The following GRAMD1B variants were observed in gnomAD, a reference collection of about 807,000 sequenced individuals.
The protein encoded by GRAMD1B is GRAM domain containing 1B.
Under a neutral mutation model 99.7 loss-of-function variants are expected in GRAMD1B, and 37 were observed. That is an observed-to-expected ratio of 0.37 (90% CI 0.29 to 0.49). The LOEUF (loss-of-function observed/expected upper bound fraction) is 0.49, where lower values mean the gene tolerates loss of function less well. Ranked by LOEUF, GRAMD1B falls within the 20% of genes least tolerant of loss-of-function variation. The pLI, the probability that GRAMD1B is intolerant of heterozygous loss-of-function variation, is 0.98. For synonymous variants in GRAMD1B, 427 were observed against 387.6 expected (o/e 1.10, Z -1.19); for missense variants, 888 against 1,009.2 (o/e 0.88, Z 1.63).
At chr11:123,368,732 G>A (rs1946417586) in intron 1 of GRAMD1B, among the ~76,000 whole-genome samples, 1 of 150,372 alleles carries the variant, frequency 6.7e-6, no homozygotes, top group Non-Finnish European at 1.5e-5. Flanking sequence ...GAAAAGTAAG[G>A]TAATGAAATC....
At chr11:123,383,487 A>G (rs939505435) in intron 1 of GRAMD1B, among the ~76,000 whole-genome samples, 2 of 152,152 alleles carry the variant, frequency 1.3e-5, no homozygotes, top group African/African-American at 2.4e-5. Flanking sequence ...AAGACTATGT[A>G]TCTTTATCTG....
At chr11:123,514,543 G>C (rs1355428748) in intron 2 of GRAMD1B, among the ~76,000 whole-genome samples, 1 of 152,248 alleles carries the variant, frequency 6.6e-6, no homozygotes, top group Non-Finnish European at 1.5e-5. Context: ...ATCTGTTAGA[G>C]AATAGTGGGC....
chr11:123,435,556 C>T lies in GRAMD1B; in HGVS notation c.374+4390C>T, dbSNP rs1337469483. The stretch of plus-strand genomic sequence containing the variant: ...CAAATGGTAAAGACAGCATGGCTTA[C>T]TAACTTTCCAGTGTTCACTGGAATA... On this transcript the variant is annotated intron_variant, in intron 1 of 19. Transcript: ENST00000635736. 7 of 665,174 alleles carry T rather than the reference C, an allele frequency of 1.1e-5. No individual in the cohort carries two copies. The African/African-American group carries it at 1.1e-4, about 10-fold the overall frequency. The allele number at this position is 665,174 out of a possible 1,614,324, so 41.2% of individuals were successfully genotyped here.
At chr11:123,555,539 G>T (rs1946097834) in intron 2 of GRAMD1B, among the ~76,000 whole-genome samples, 1 of 151,762 alleles carries the variant, frequency 6.6e-6, no homozygotes, top group Non-Finnish European at 1.5e-5. Flanking sequence ...CAGTAGAGAT[G>T]GGGTTTCACC....
intron 2 of GRAMD1B, among the ~76,000 whole-genome samples, chr11:123,557,934 C>A (rs573452181): frequency 6.6e-6 from 1 of 151,616 alleles, no homozygotes; most frequent in South Asian, 2.1e-4. Context: ...TTCCACCAAC[C>A]CCTGTGTCTA....
chr11:123,558,963 G>T (rs1189690993), intron 2 of GRAMD1B, among the ~76,000 whole-genome samples: 2 of 152,254 alleles, frequency 1.3e-5, no homozygotes, highest in Non-Finnish European at 2.9e-5. Flanking sequence ...GTTCGAGCAG[G>T]ATGCAGGTGA....
chr11:123,575,252 A>G (rs1373629577), intron 2 of GRAMD1B, among the ~76,000 whole-genome samples: 1 of 152,160 alleles, frequency 6.6e-6, no homozygotes, highest in East Asian at 1.9e-4. Flanking sequence ...AGGATGAAGG[A>G]ATCTCCTTTC....
intron 2 of GRAMD1B, among the ~76,000 whole-genome samples, chr11:123,500,396 G>A (rs1939732142): frequency 6.6e-6 from 1 of 152,140 alleles, no homozygotes; most frequent in Non-Finnish European, 1.5e-5. Context: ...GGTCCAGTGC[G>A]CTACACTCTC....
At chr11:123,589,642 A>ATATATATATATATATATATAT (rs1950446757) in intron 4 of GRAMD1B, among the ~76,000 whole-genome samples, 2 of 139,472 alleles carry the variant, frequency 1.4e-5, no homozygotes, top group African/African-American at 5.2e-5. Flanking sequence ...ATATATTTGT[A>ATATATATATATATATATATAT]GTAGAGACGG....
At chr11:123,560,129 A>G in intron 2 of GRAMD1B, 1 of 857,598 alleles carries the variant, frequency 1.2e-6, no homozygotes, top group Non-Finnish European at 1.4e-6. Flanking sequence ...GAGCGCCGGC[A>G]AGCTGACTGC....
At chr11:123,436,917 C>T (rs1278906797) in intron 1 of GRAMD1B, among the ~76,000 whole-genome samples, 1 of 152,170 alleles carries the variant, frequency 6.6e-6, no homozygotes, top group East Asian at 1.9e-4. Flanking sequence ...CCCTACCCCA[C>T]AACAGGCCCT....
chr11:123,612,737 T>C, intron 14 of GRAMD1B, 24 bp from the exon 15 acceptor site: 1 of 1,372,842 alleles, frequency 7.3e-7, no homozygotes, highest in African/African-American at 1.4e-5. Context: ...AAATGACTGA[T>C]CTTGTGTCTG....
intron 1 of GRAMD1B, among the ~76,000 whole-genome samples, chr11:123,374,453 C>T (rs1269859813): frequency 1.3e-5 from 2 of 152,262 alleles, no homozygotes; most frequent in East Asian, 3.9e-4. Context: ...TCATTAAGGT[C>T]CAGAGATTTC....
At chr11:123,405,695 G>A (rs558637627) in intron 1 of GRAMD1B, among the ~76,000 whole-genome samples, 79 of 152,290 alleles carry the variant, frequency 5.2e-4, no homozygotes, top group African/African-American at 1.6e-3. Flanking sequence ...GATCACTCTC[G>A]TTCTCTTTAT....
At chr11:123,621,939 T>C (rs1381013915) in intron 19 of GRAMD1B, among the ~76,000 whole-genome samples, 4 of 150,366 alleles carry the variant, frequency 2.7e-5, no homozygotes, top group South Asian at 2.1e-4. Flanking sequence ...TTCCTTCCTT[T>C]CTCTCTTTCT....
rs1555112795 is a variant in GRAMD1B, at chr11:123,625,973, A to AGAGAGAGGGAGAGAGAGAGAGATC, written c.*3385_*3386insGGAGAGAGAGAGAGATCGAGAGAG. The AGAGAGAGGGAGAGAGAGAGAGATC allele has an allele frequency of 7.2e-6, 1 of 139,748 alleles. No homozygotes were observed. Among genetic ancestry groups the AGAGAGAGGGAGAGAGAGAGAGATC allele is most frequent in the Non-Finnish European group, 1.6e-5 (1 of 63,912 alleles). The allele number at this position is 139,748 out of a possible 1,614,324, so 8.7% of individuals were successfully genotyped here. A position where few individuals can be genotyped will look rare whatever the true frequency, so the allele number is the denominator to read the frequency against. The stretch of plus-strand genomic sequence containing the variant: ...GAGAGAGAGAGAGAGAGAGAGAGAG[A>AGAGAGAGGGAGAGAGAGAGAGATC]GAGAGAGATCGAGCTTGATGTATTG... On this transcript the variant is annotated 3_prime_UTR_variant, in exon 20 of 20. Coordinates refer to ENST00000635736, the MANE Select transcript of GRAMD1B (RefSeq NM_001387025.1).
chr11:123,450,124 C>T (rs1445295232), intron 1 of GRAMD1B, among the ~76,000 whole-genome samples: 1 of 152,122 alleles, frequency 6.6e-6, no homozygotes, highest in Non-Finnish European at 1.5e-5. Context: ...TTCCAGAGAG[C>T]ACAAGCACAT....
At chr11:123,578,560 G>A in intron 3 of GRAMD1B, 1 of 704,610 alleles carries the variant, frequency 1.4e-6, no homozygotes, top group Admixed American at 2.2e-5. Context: ...TTCCCAGAAG[G>A]GCCGGCCCCA....
intron 1 of GRAMD1B, among the ~76,000 whole-genome samples, chr11:123,391,268 A>G (rs1248485434): frequency 6.8e-6 from 1 of 147,886 alleles, no homozygotes; most frequent in Non-Finnish European, 1.5e-5. Flanking sequence ...TTTACCCCAT[A>G]CCCAGGAGCT....
Sources: gnomAD v4.1 joint callset for allele counts (sites outside exome capture counted in the v4.1 genomes callset) on GRCh38, gnomAD v4.1.1 for gene constraint, MANE v1.5 for transcripts, NCBI Gene and HGNC (gene_info 2026-07-23, HGNC 2026-07-21) for gene names.